Variants in ZNF787 observed in about 807,000 individuals in gnomAD.
ZNF787 encodes the protein zinc finger protein 787, also known as TTF-I-interacting peptide 20.
In ZNF787, 7 loss-of-function variants were observed where a neutral mutation model predicts 16.9. The observed-to-expected ratio is 0.42, with a 90% CI of 0.24 to 0.78. The LOEUF is 0.78. ZNF787 is among the 30% of genes least tolerant of loss of function. The pLI, the probability that ZNF787 is intolerant of heterozygous loss-of-function variation, is 0.30. For missense variants in ZNF787, 551 were observed against 589.3 expected (o/e 0.94, Z 0.67); for synonymous variants, 345 against 270.9 (o/e 1.27, Z -2.69).
intron 1 of ZNF787, among the ~76,000 whole-genome samples, chr19:56,104,797 G>T (rs1248918400): frequency 6.6e-6 from 1 of 152,258 alleles, no homozygotes; most frequent in Admixed American, 6.5e-5. Flanking sequence ...CCACGCGCCC[G>T]AGTTGTTGAA....
intron 2 of ZNF787, among the ~76,000 whole-genome samples, chr19:56,091,725 A>C (rs989411620): frequency 1.3e-5 from 2 of 152,226 alleles, no homozygotes; most frequent in African/African-American, 4.8e-5. Context: ...ACAGGGTTTA[A>C]TTACTTAAAA....
intron 1 of ZNF787, among the ~76,000 whole-genome samples, chr19:56,111,717 C>T (rs934838961): frequency 1.3e-5 from 2 of 151,956 alleles, no homozygotes; most frequent in African/African-American, 2.4e-5. Flanking sequence ...ACTTCCTCTC[C>T]GAGAAGAGGG....
At chr19:56,093,994 T>C (rs1985765787) in intron 2 of ZNF787, among the ~76,000 whole-genome samples, 1 of 151,138 alleles carries the variant, frequency 6.6e-6, no homozygotes, top group Admixed American at 6.6e-5. Context: ...TCCTAACTTG[T>C]TTCCTTTAAA....
intron 2 of ZNF787, among the ~76,000 whole-genome samples, chr19:56,092,043 G>C (rs79579112): frequency 8.5e-5 from 11 of 128,874 alleles, no homozygotes; most frequent in Non-Finnish European, 1.2e-4. Context: ...AGCCGAAGCC[G>C]AAGCCTCACC....
intron 2 of ZNF787, among the ~76,000 whole-genome samples, chr19:56,090,586 C>T (rs1157024605): frequency 2.0e-5 from 3 of 152,138 alleles, no homozygotes; most frequent in African/African-American, 7.2e-5. Flanking sequence ...CTTTAGGAGG[C>T]CGAGGTGGGC....
At chr19:56,090,133 C>G (rs1300517602) in intron 2 of ZNF787, among the ~76,000 whole-genome samples, 1 of 152,186 alleles carries the variant, frequency 6.6e-6, no homozygotes, top group Non-Finnish European at 1.5e-5. Flanking sequence ...GTCTCTATCC[C>G]AACACCTGGC....
At chr19:56,103,015 G>A (rs1322400338) in intron 2 of ZNF787, 124 bp downstream of exon 2, 10 of 1,031,318 alleles carry the variant, frequency 9.7e-6, no homozygotes, top group Admixed American at 3.7e-5. Context: ...GGCCAGGGTC[G>A]GGTGGTCCCA....
In ZNF787 at chr19:56,101,236, C is replaced by A. The variant is rs539557734; in HGVS notation, c.79+1903G>T. Among the ~76,000 whole-genome samples the A allele has an allele frequency of 6.6e-5, 10 of 152,280 alleles. No individual in the cohort carries two copies. The South Asian group carries it at 1.9e-3, about 28-fold the overall frequency. ...GTCACATAGGGGGGACGCATGTAGG[C>A]GGGACCCCACACGGGAGTTACGCGA... On this transcript the variant is annotated intron_variant, in intron 2 of 2. Transcript: ENST00000610935.
At chr19:56,093,333 T>C (rs1214284231) in intron 2 of ZNF787, among the ~76,000 whole-genome samples, 3 of 152,018 alleles carry the variant, frequency 2.0e-5, no homozygotes, top group East Asian at 1.9e-4. Flanking sequence ...GAATATTCCA[T>C]AGACGCAGGA....
At chr19:56,093,104 CAG>C (rs967657285) in intron 2 of ZNF787, among the ~76,000 whole-genome samples, 28 of 150,434 alleles carry the variant, frequency 1.9e-4, no homozygotes, top group East Asian at 1.4e-3. Flanking sequence ...TCCATAGACA[CAG>C]GGGATGGCGG....
chr19:56,087,717 G>A lies in ZNF787; in HGVS notation c.*306C>T, dbSNP rs911497590. 9.9e-5 allele frequency: 22 copies of A among 221,912 alleles called. No homozygotes were observed. In the Middle Eastern group the frequency reaches 4.6e-3, roughly 46 times the overall value. 13.7% of individuals were successfully genotyped at this position (221,912 alleles called of 1,614,324 possible). A position where few individuals can be genotyped will look rare whatever the true frequency, so the allele number is the denominator to read the frequency against. On this transcript the variant is annotated 3_prime_UTR_variant, in exon 3 of 3. Coordinates refer to ENST00000610935, the MANE Select transcript of ZNF787 (RefSeq NM_001002836.4). The stretch of plus-strand genomic sequence containing the variant: ...GGAAGAGCAGGGAAAATGGCCTTCC[G>A]CTTGGGGCCTGGTCGCCACTCGGCC...
At chr19:56,119,302 G>C (rs971408060) in intron 1 of ZNF787, among the ~76,000 whole-genome samples, 2 of 152,188 alleles carry the variant, frequency 1.3e-5, no homozygotes, top group Non-Finnish European at 2.9e-5. Context: ...CATTTACTCA[G>C]GGAATTGTGA....
chr19:56,118,657 C>G (rs2030204871), intron 1 of ZNF787, among the ~76,000 whole-genome samples: 1 of 152,134 alleles, frequency 6.6e-6, no homozygotes, highest in Admixed American at 6.5e-5. Flanking sequence ...AAGTGTGCAC[C>G]AGCAAGTGTT....
intron 1 of ZNF787, among the ~76,000 whole-genome samples, chr19:56,117,545 C>T (rs1467911020): frequency 1.3e-5 from 2 of 152,238 alleles, no homozygotes; most frequent in African/African-American, 4.8e-5. Flanking sequence ...GTCACAGAGC[C>T]ACAACGTAGG....
chr19:56,100,951 C>T (rs1327888651), intron 2 of ZNF787, among the ~76,000 whole-genome samples: 17 of 145,532 alleles, frequency 1.2e-4, no homozygotes, highest in African/African-American at 4.4e-4. Context: ...CTGTCACTGT[C>T]ACATAGGAGG....
chr19:56,119,977 C>CA (rs11436180), intron 1 of ZNF787, among the ~76,000 whole-genome samples: 112,344 of 151,956 alleles, frequency 0.74, 44,315 homozygotes, highest in South Asian at 0.93. Flanking sequence ...CAGGACACCG[C>CA]AAAGAGCAGA....
chr19:56,118,220 G>A (rs1003368729), intron 1 of ZNF787, among the ~76,000 whole-genome samples: 5 of 152,220 alleles, frequency 3.3e-5, no homozygotes, highest in Non-Finnish European at 7.3e-5. Flanking sequence ...TGCTGGGTGA[G>A]TGAGGCCTCC....
rs1985415082 is a variant in ZNF787 at position 56,088,267 on chromosome 19, T to C, written c.905A>G (p.Gln302Arg). ...GAGLLAHQRA[Q>R]HGDGLGAAGG... ...CGCCGCCCCGAGCCCGTCCCCGTGC[T>C]GGGCCCGCTGGTGCGCCAGGAGCCC... The change falls in exon 3 of 3, where the codon CAG becomes CGG. Residue 302 changes from glutamine (Q) to arginine (R), a missense_variant. Physicochemically the swap from Gln to Arg is conservative, Grantham distance 43. Around this residue, in one of 4 missense-constraint regions of ZNF787, gnomAD observed 392 missense variants for 312.7 expected, o/e 1.25. Transcript: ENST00000610935. The surrounding 1 kb of genome is among the most constrained non-coding windows in gnomAD (Gnocchi z 8.6). 7.1e-7 allele frequency: 1 copy of C among 1,417,606 alleles called. No individual in the cohort carries two copies. The allele number at this position is 1,417,606 out of a possible 1,614,324, so 87.8% of individuals were successfully genotyped here.
chr19:56,119,862 C>T (rs1429812120), intron 1 of ZNF787, among the ~76,000 whole-genome samples: 1 of 152,236 alleles, frequency 6.6e-6, no homozygotes, highest in Non-Finnish European at 1.5e-5. Flanking sequence ...GGCTTACGGT[C>T]TTCAGAGGAG....
Sources: allele counts gnomAD v4.1 joint callset (sites outside exome capture counted in the v4.1 genomes callset), GRCh38; gene constraint gnomAD v4.1.1; regional missense constraint gnomAD v4.1.1; non-coding constraint Gnocchi (gnomAD v3.1); transcripts MANE v1.5; gene names NCBI Gene and HGNC (gene_info 2026-07-23, HGNC 2026-07-21).